Variants in PLCB1 observed in about 807,000 individuals in gnomAD.
PLCB1 encodes the protein phospholipase C beta 1.
A neutral mutation model predicts 161.8 loss-of-function variants in PLCB1; 46 were observed. That is an observed-to-expected ratio of 0.28 (90% CI 0.22 to 0.36). The LOEUF (loss-of-function observed/expected upper bound fraction) is 0.36. PLCB1 is among the 10% of genes least tolerant of loss of function. The pLI, the probability that PLCB1 is intolerant of heterozygous loss-of-function variation, is 1.00. For missense variants in PLCB1, 1,016 were observed against 1,472.5 expected (o/e 0.69, Z 5.07); for synonymous variants, 517 against 503.7 (o/e 1.03, Z -0.35).
chr20:8,227,171 T>C (rs1979743358), intron 2 of PLCB1, among the ~76,000 whole-genome samples: 1 of 152,102 alleles, frequency 6.6e-6, no homozygotes, highest in South Asian at 2.1e-4. Flanking sequence ...CAATACACCT[T>C]AGTTTGGACC....
At chr20:8,724,293 G>A (rs2123482052) in intron 15 of PLCB1, among the ~76,000 whole-genome samples, 1 of 152,200 alleles carries the variant, frequency 6.6e-6, no homozygotes, top group Admixed American at 6.5e-5. Context: ...ATAGCTCAGT[G>A]CTTCTCAAAC....
intron 31 of PLCB1, among the ~76,000 whole-genome samples, chr20:8,855,458 G>A (rs185733016): frequency 5.8e-4 from 88 of 152,216 alleles, no homozygotes; most frequent in African/African-American, 2.1e-3. Flanking sequence ...CCCAGACCCA[G>A]GATTCCCTCC....
At chr20:8,767,118 G>C (rs1330237573) in intron 26 of PLCB1, among the ~76,000 whole-genome samples, 1 of 152,158 alleles carries the variant, frequency 6.6e-6, no homozygotes, top group Non-Finnish European at 1.5e-5. Context: ...ATGTGTTCAT[G>C]AAACTCCATT....
chr20:8,511,351 A>G (rs1416762874), intron 3 of PLCB1, among the ~76,000 whole-genome samples: 3 of 152,248 alleles, frequency 2.0e-5, no homozygotes, highest in Non-Finnish European at 4.4e-5. Flanking sequence ...CATACAAAAC[A>G]TTTCTTTATC....
intron 2 of PLCB1, among the ~76,000 whole-genome samples, chr20:8,189,060 C>A (rs1393361756): frequency 2.6e-5 from 4 of 151,988 alleles, no homozygotes; most frequent in Non-Finnish European, 5.9e-5. Flanking sequence ...CTGATAACCA[C>A]TATTTCATTC....
chr20:8,768,219 A>G (rs1982462997), intron 26 of PLCB1, among the ~76,000 whole-genome samples: 1 of 152,096 alleles, frequency 6.6e-6, no homozygotes, highest in Non-Finnish European at 1.5e-5. Context: ...TTAGTGGACT[A>G]TGCGCTCTCT....
At chr20:8,403,188 G>A (rs544139029) in intron 3 of PLCB1, among the ~76,000 whole-genome samples, 122 of 152,226 alleles carry the variant, frequency 8.0e-4, no homozygotes, top group African/African-American at 2.9e-3. Flanking sequence ...TAGTTCTTAT[G>A]CTCATGATTC....
At chr20:8,497,045 A>G (rs1983206913) in intron 3 of PLCB1, among the ~76,000 whole-genome samples, 1 of 152,208 alleles carries the variant, frequency 6.6e-6, no homozygotes, top group South Asian at 2.1e-4. Context: ...ATAAAATTTT[A>G]AGACTGTTAC....
intron 2 of PLCB1, among the ~76,000 whole-genome samples, chr20:8,356,967 T>C (rs1986381796): frequency 6.6e-6 from 1 of 152,332 alleles, no homozygotes; most frequent in East Asian, 1.9e-4. Flanking sequence ...GTATTTACTT[T>C]CTTAATACAG....
rs977371337 is a variant in PLCB1, at chr20:8,318,688, AT to A, written c.178-52686del. Among the ~76,000 whole-genome samples the A allele has an allele frequency of 3.2e-3, 489 of 151,898 alleles. 2 individuals carry two copies. Among genetic ancestry groups the A allele is most frequent in the African/African-American group, 0.011 (468 of 41,460 alleles). On this transcript the variant is annotated intron_variant, in intron 2 of 31. Coordinates refer to ENST00000338037, the MANE Select transcript of PLCB1 (RefSeq NM_015192.4). ...TCTGTCTATACCCACTCCTGTGTTT[AT>A]TTTTTTTGGGTTGTGTGACAATATT...
intron 2 of PLCB1, among the ~76,000 whole-genome samples, chr20:8,214,773 G>A (rs142809704): frequency 6.6e-6 from 1 of 152,092 alleles, no homozygotes; most frequent in East Asian, 1.9e-4. Context: ...ATAAGGAATC[G>A]TGGAGTTTGG....
At chr20:8,788,388 G>A (rs926694160) in intron 27 of PLCB1, 61 bp from the exon 28 acceptor site, 50 of 1,467,098 alleles carry the variant, frequency 3.4e-5, no homozygotes, top group Non-Finnish European at 1.6e-5. Flanking sequence ...TTTGAGGGAG[G>A]TGGGAAGGAA....
chr20:8,592,958 C>T (rs937335526), intron 3 of PLCB1, among the ~76,000 whole-genome samples: 1 of 151,980 alleles, frequency 6.6e-6, no homozygotes, highest in Non-Finnish European at 1.5e-5. Context: ...CAGGCTGCAC[C>T]CAGTCCAGTT....
intron 2 of PLCB1, among the ~76,000 whole-genome samples, chr20:8,299,230 C>T (rs936517474): frequency 6.6e-6 from 1 of 152,162 alleles, no homozygotes; most frequent in African/African-American, 2.4e-5. Flanking sequence ...TCTGTTCTCT[C>T]TATCCATTAT....
At chr20:8,633,622 C>G (rs1204288874) in intron 4 of PLCB1, among the ~76,000 whole-genome samples, 2 of 152,080 alleles carry the variant, frequency 1.3e-5, no homozygotes, top group African/African-American at 4.8e-5. Context: ...CCAGTTAATG[C>G]CATGCTCATG....
At chr20:8,352,668 T>G (rs1986219460) in intron 2 of PLCB1, among the ~76,000 whole-genome samples, 2 of 152,042 alleles carry the variant, frequency 1.3e-5, no homozygotes, top group South Asian at 4.1e-4. Flanking sequence ...CTGAAGTAAC[T>G]GGAAATGAAT....
intron 3 of PLCB1, among the ~76,000 whole-genome samples, chr20:8,454,304 A>C (rs745405083): frequency 6.6e-6 from 1 of 152,122 alleles, no homozygotes; most frequent in African/African-American, 2.4e-5. Context: ...GATCCAGGAC[A>C]CCTTTGCCAT....
intron 3 of PLCB1, among the ~76,000 whole-genome samples, chr20:8,543,064 A>G (rs1185111738): frequency 6.6e-6 from 1 of 152,164 alleles, no homozygotes; most frequent in East Asian, 1.9e-4. Flanking sequence ...GGTAATCAAA[A>G]TACCTCCGTA....
intron 2 of PLCB1, among the ~76,000 whole-genome samples, chr20:8,334,849 C>T (rs1469446592): frequency 6.6e-6 from 1 of 152,228 alleles, no homozygotes; most frequent in African/African-American, 2.4e-5. Context: ...CTTTTCCATG[C>T]ATAGCTGCTT....
Sources: gnomAD v4.1 joint callset for allele counts (sites outside exome capture counted in the v4.1 genomes callset) on GRCh38, gnomAD v4.1.1 for gene constraint, MANE v1.5 for transcripts, NCBI Gene and HGNC (gene_info 2026-07-23, HGNC 2026-07-21) for gene names.